The following GTF2A2 variants were observed in gnomAD, a reference collection of about 807,000 sequenced individuals.
The protein encoded by GTF2A2 is general transcription factor IIA subunit 2, also known as transcription initiation factor IIA subunit 2.
GTF2A2 carries 9 observed loss-of-function variants against 14.3 expected under a neutral mutation model. The observed-to-expected ratio is 0.63, with a 90% CI of 0.38 to 1.10. The LOEUF (loss-of-function observed/expected upper bound fraction) is 1.10, where lower values mean the gene tolerates loss of function less well. Among genes scored for constraint, GTF2A2 ranks in the 50% least tolerant of loss-of-function variants. GTF2A2 has a pLI of 0.01. For missense variants in GTF2A2, 90 were observed against 124.6 expected (o/e 0.72, Z 1.32); for synonymous variants, 56 against 46.0 (o/e 1.22, Z -0.88).
intron 2 of GTF2A2, 118 bp downstream of exon 2, chr15:59,652,087 CT>C: frequency 1.5e-6 from 1 of 647,800 alleles, no homozygotes; most frequent in South Asian, 1.9e-5. Context: ...GTGTTACTGA[CT>C]TGCTGGGTCA....
intron 4 of GTF2A2, among the ~76,000 whole-genome samples, chr15:59,639,841 C>CTCGGGT (rs574295189): frequency 6.6e-6 from 1 of 152,094 alleles, no homozygotes; most frequent in Non-Finnish European, 1.5e-5. Context: ...ATCTCCACCT[C>CTCGGGT]TCGGGTTTAA....
At chr15:59,640,189 TCAAAAACTACTGCAATAAACAAGGC>T (rs1343582162) in intron 4 of GTF2A2, 1 of 152,238 alleles carries the variant, frequency 6.6e-6, no homozygotes, top group Non-Finnish European at 1.5e-5. Context: ...GGGAAAATCC[TCAAAAACTACTGCAATAAACAAGGC>T]CAATCTGCTA....
chr15:59,640,956 C>T (rs1471134777), intron 4 of GTF2A2, among the ~76,000 whole-genome samples: 1 of 152,184 alleles, frequency 6.6e-6, no homozygotes, highest in East Asian at 1.9e-4. Context: ...ACCTTCTGAA[C>T]TATAACAAGT....
At chr15:59,656,064 A>G (rs1484089604) in intron 1 of GTF2A2, among the ~76,000 whole-genome samples, 9 of 152,180 alleles carry the variant, frequency 5.9e-5, no homozygotes, top group African/African-American at 2.2e-4. Context: ...AACTTCAGTT[A>G]CAACATACCT....
chr15:59,642,296 C>T lies in GTF2A2; in HGVS notation c.178-34G>A, dbSNP rs565160928. The T allele has an allele frequency of 4.9e-5, 76 of 1,546,126 alleles. No homozygotes were observed. In the Admixed American group the frequency reaches 5.8e-4, roughly 12 times the overall value. Reference sequence around the variant, plus strand: ...CAAAACATTTAGAAATACCGTGAAACGTTTTTTCCCCTCACATTTTTCTCC... The same window carrying T: ...CAAAACATTTAGAAATACCGTGAAATGTTTTTTCCCCTCACATTTTTCTCC... On this transcript the variant is annotated intron_variant, in intron 3 of 4. Transcript: ENST00000396060.
rs564489885 is a variant in GTF2A2 at position 59,649,752 on chromosome 15, C to T, written c.177+917G>A. On this transcript the variant is annotated intron_variant, in intron 3 of 4. Transcript: ENST00000396060. ...TTAAGTCAAATGGGGCTTTGTCTATCTTGTTCATCTCTGAGTATCTAGAAC... is the reference window on the plus strand; with the variant it reads ...TTAAGTCAAATGGGGCTTTGTCTATTTTGTTCATCTCTGAGTATCTAGAAC... Among the ~76,000 whole-genome samples the T allele has an allele frequency of 2.0e-5, 3 of 152,182 alleles. No homozygotes were observed. The South Asian group carries it at 6.2e-4, about 32-fold the overall frequency.
At chr15:59,642,351 G>A in intron 3 of GTF2A2, 89 bp from the exon 4 acceptor site, 2 of 1,156,466 alleles carry the variant, frequency 1.7e-6, no homozygotes, top group Non-Finnish European at 2.4e-6. Context: ...TAGCTACCAA[G>A]AACATAATAA....
At chr15:59,656,786 G>T (rs1891957391) in intron 1 of GTF2A2, 1 of 152,150 alleles carries the variant, frequency 6.6e-6, no homozygotes. Flanking sequence ...TTAAACGTTT[G>T]TTAAAAGTGC....
At chr15:59,647,263 G>GT (rs1489517263) in intron 3 of GTF2A2, among the ~76,000 whole-genome samples, 2 of 151,726 alleles carry the variant, frequency 1.3e-5, no homozygotes, top group Admixed American at 1.3e-4. Context: ...CAGCTACTTT[G>GT]TTTGTTTTGT....
At chr15:59,643,072 A>ATTT (rs398043378) in intron 3 of GTF2A2, among the ~76,000 whole-genome samples, 93 of 64,094 alleles carry the variant, frequency 1.5e-3, no homozygotes, top group East Asian at 3.5e-3. Flanking sequence ...GGCCTATATA[A>ATTT]TTTTTTTTTT....
chr15:59,656,438 T>C (rs1365912345), intron 1 of GTF2A2, among the ~76,000 whole-genome samples: 6 of 151,914 alleles, frequency 3.9e-5, no homozygotes, highest in Non-Finnish European at 8.8e-5. Context: ...CTTTTTTTTT[T>C]TGATGGCACC....
intron 1 of GTF2A2, among the ~76,000 whole-genome samples, chr15:59,656,541 A>C (rs1246361098): frequency 6.6e-6 from 1 of 151,984 alleles, no homozygotes; most frequent in African/African-American, 2.4e-5. Context: ...TTGTTCACTT[A>C]AGTAAAATAG....
chr15:59,649,685 T>C (rs1290386884), intron 3 of GTF2A2, among the ~76,000 whole-genome samples: 2 of 152,230 alleles, frequency 1.3e-5, no homozygotes, highest in Non-Finnish European at 2.9e-5. Context: ...GACTTATTTA[T>C]ATTAATATAA....
chr15:59,649,741 G>A (rs1891733905), intron 3 of GTF2A2, among the ~76,000 whole-genome samples: 2 of 152,026 alleles, frequency 1.3e-5, no homozygotes, highest in South Asian at 4.1e-4. Flanking sequence ...GTCAAATGGG[G>A]CTTTGTCTAT....
chr15:59,639,121 AT>A lies in GTF2A2; in HGVS notation c.*10del. 2.1e-6 allele frequency: 3 copies of A among 1,401,126 alleles called. No homozygotes were observed. Among genetic ancestry groups the A allele is most frequent in the Non-Finnish European group, 3.0e-6 (3 of 988,274 alleles). The allele number at this position is 1,401,126 out of a possible 1,614,324, so 86.8% of individuals were successfully genotyped here. A position where few individuals can be genotyped will look rare whatever the true frequency, so the allele number is the denominator to read the frequency against. Reference sequence around the variant, plus strand: ...ACAGAAGATGGTGTAAAAAAGTCATATTTTTTCTATTCATTCTGTAGTATTG... The same window carrying A: ...ACAGAAGATGGTGTAAAAAAGTCATATTTTTCTATTCATTCTGTAGTATTG... On this transcript the variant is annotated 3_prime_UTR_variant, in exon 5 of 5. Coordinates refer to ENST00000396060, the MANE Select transcript of GTF2A2 (RefSeq NM_004492.3).
intron 1 of GTF2A2, among the ~76,000 whole-genome samples, chr15:59,656,426 C>T (rs1327582414): frequency 2.3e-5 from 2 of 88,346 alleles, no homozygotes; most frequent in Non-Finnish European, 4.9e-5. Flanking sequence ...CTTTATATTT[C>T]TCTTTTTTTT....
intron 3 of GTF2A2, among the ~76,000 whole-genome samples, chr15:59,647,004 TATAC>T (rs538254241): frequency 1.5e-3 from 227 of 150,580 alleles, no homozygotes; most frequent in African/African-American, 5.1e-3. Context: ...ATATACTATA[TATAC>T]ATATACTCTA....
intron 3 of GTF2A2, 65 bp downstream of exon 3, chr15:59,650,604 T>G (rs549516377): frequency 1.1e-6 from 1 of 879,308 alleles, no homozygotes; most frequent in East Asian, 2.5e-5. Flanking sequence ...GTAGGGGTCC[T>G]AAAAAAAAAT....
chr15:59,646,484 T>C (rs1297343303), intron 3 of GTF2A2, among the ~76,000 whole-genome samples: 1 of 152,176 alleles, frequency 6.6e-6, no homozygotes, highest in African/African-American at 2.4e-5. Context: ...AGTAAATTAC[T>C]TTCATTGGAT....
Sources: gnomAD v4.1 joint callset for allele counts (sites outside exome capture counted in the v4.1 genomes callset) on GRCh38, gnomAD v4.1.1 for gene constraint, MANE v1.5 for transcripts, NCBI Gene and HGNC (gene_info 2026-07-23, HGNC 2026-07-21) for gene names.